The following FIP1L1 variants were observed in gnomAD, a reference collection of about 807,000 sequenced individuals.
FIP1L1 encodes the protein pre-mRNA 3'-end-processing factor FIP1.
In FIP1L1, 21 loss-of-function variants were observed where a neutral mutation model predicts 84.6. The observed-to-expected ratio is 0.25, with a 90% CI of 0.18 to 0.36. FIP1L1 has a LOEUF of 0.36. Ranked by LOEUF, FIP1L1 falls within the 10% of genes least tolerant of loss-of-function variation. The probability of loss-of-function intolerance (pLI) is 1.00; values close to 1 mark genes in which losing one functional copy is unlikely to be tolerated. For synonymous variants in FIP1L1, 263 were observed against 242.3 expected (o/e 1.09, Z -0.80); for missense variants, 526 against 751.1 (o/e 0.70, Z 3.50).
chr4:53,403,906 A>G (rs931711806), intron 10 of FIP1L1, among the ~76,000 whole-genome samples: 11 of 152,006 alleles, frequency 7.2e-5, no homozygotes, highest in Admixed American at 5.2e-4. Context: ...CCAAACAGTG[A>G]CCATGATCTT....
rs1721383190 is a variant in FIP1L1 at position 53,459,596 on chromosome 4, G to A, written c.*147G>A. On this transcript the variant is annotated 3_prime_UTR_variant, in exon 18 of 18. Coordinates refer to ENST00000337488, the MANE Select transcript of FIP1L1 (RefSeq NM_030917.4). ...TTAACTTTTTTTCCAAAATAAAAGAGTGAATTTTTCATGTTAAGTTAAAAA... is the reference window on the plus strand; with the variant it reads ...TTAACTTTTTTTCCAAAATAAAAGAATGAATTTTTCATGTTAAGTTAAAAA... The A allele has an allele frequency of 3.5e-6, 4 of 1,150,628 alleles. No individual in the cohort carries two copies. The highest frequency in any genetic ancestry group is 5.0e-6 in the Non-Finnish European group (4 of 796,084). 71.3% of individuals were successfully genotyped at this position (1,150,628 alleles called of 1,614,324 possible). A position where few individuals can be genotyped will look rare whatever the true frequency, so the allele number is the denominator to read the frequency against.
In FIP1L1 at chr4:53,428,161, T is replaced by C. The variant is rs1560552347; in HGVS notation, c.1152T>C (p.Ala384=). 9.4e-6 allele frequency: 15 copies of C among 1,591,722 alleles called. No homozygotes were observed. Among genetic ancestry groups the C allele is most frequent in the Non-Finnish European group, 1.3e-5 (15 of 1,165,506 alleles). The change falls in exon 13 of 18, where the codon GCT becomes GCC. Residue 384 remains alanine, a synonymous_variant. Coordinates refer to ENST00000337488, the MANE Select transcript of FIP1L1 (RefSeq NM_030917.4). ...CACCTCCTCCGACTGTCAGCACTGC[T>C]CCACCTCTGATTCCACCACCGGGTA... ...FLPPPPTVST[A]PPLIPPPGFP...
chr4:53,406,538 A>T (rs1475854896), intron 10 of FIP1L1, among the ~76,000 whole-genome samples: 2 of 152,174 alleles, frequency 1.3e-5, no homozygotes, highest in African/African-American at 2.4e-5. Context: ...TGAGTTAGGG[A>T]GGATTCCCTC....
intron 13 of FIP1L1, among the ~76,000 whole-genome samples, chr4:53,431,541 A>C (rs190650611): frequency 1.2e-3 from 185 of 152,320 alleles, no homozygotes; most frequent in African/African-American, 3.9e-3. Flanking sequence ...TTAAAAGTAA[A>C]GTCCAAAATA....
At chr4:53,406,227 T>C (rs1351755647) in intron 10 of FIP1L1, among the ~76,000 whole-genome samples, 1 of 152,238 alleles carries the variant, frequency 6.6e-6, no homozygotes, top group Non-Finnish European at 1.5e-5. Flanking sequence ...TGAAGGGTTG[T>C]TGAATTTTGT....
chr4:53,422,708 A>G (rs1267457145), intron 11 of FIP1L1, among the ~76,000 whole-genome samples: 7 of 151,008 alleles, frequency 4.6e-5, no homozygotes, highest in Non-Finnish European at 7.4e-5. Context: ...ATATATATAT[A>G]TGTATATATA....
At chr4:53,396,355 G>A (rs1747311514) in intron 9 of FIP1L1, among the ~76,000 whole-genome samples, 1 of 152,128 alleles carries the variant, frequency 6.6e-6, no homozygotes, top group Non-Finnish European at 1.5e-5. Context: ...GTGAGAAAAA[G>A]ATTCAAAAGC....
chr4:53,401,321 C>T (rs1376552418), intron 10 of FIP1L1, among the ~76,000 whole-genome samples: 1 of 152,126 alleles, frequency 6.6e-6, no homozygotes, highest in Non-Finnish European at 1.5e-5. Context: ...ATTATAAAGG[C>T]TTTGGCTTTT....
intron 10 of FIP1L1, among the ~76,000 whole-genome samples, chr4:53,404,328 A>G (rs986307678): frequency 4.6e-5 from 7 of 151,718 alleles, no homozygotes; most frequent in Non-Finnish European, 1.0e-4. Context: ...TGTCCCTGCA[A>G]AGGACATGAA....
rs544870243 is a variant in FIP1L1, at chr4:53,379,664, A to T, written c.170+400A>T. Among the ~76,000 whole-genome samples, 7 of 152,322 alleles carry T rather than the reference A, an allele frequency of 4.6e-5. No individual in the cohort carries two copies. The South Asian group carries it at 1.5e-3, about 32-fold the overall frequency. On this transcript the variant is annotated intron_variant, in intron 3 of 17. Coordinates refer to ENST00000337488, the MANE Select transcript of FIP1L1 (RefSeq NM_030917.4). The stretch of plus-strand genomic sequence containing the variant: ...TTCCAGTTTATTAACATTTTTGATG[A>T]TATAATGGCAGTTTGGTTGTAATTT...
At chr4:53,456,713 C>G (rs1198472319) in intron 16 of FIP1L1, among the ~76,000 whole-genome samples, 2 of 151,982 alleles carry the variant, frequency 1.3e-5, no homozygotes, top group Non-Finnish European at 2.9e-5. Context: ...ATTTCCAGGT[C>G]CAGAGAAACC....
intron 10 of FIP1L1, among the ~76,000 whole-genome samples, chr4:53,412,041 TAA>T (rs1757477252): frequency 6.6e-6 from 1 of 152,026 alleles, no homozygotes; most frequent in South Asian, 2.1e-4. Context: ...TTGAAAAAAA[TAA>T]AGTTTTATTT....
At chr4:53,406,878 T>C (rs1374794735) in intron 10 of FIP1L1, among the ~76,000 whole-genome samples, 1 of 152,172 alleles carries the variant, frequency 6.6e-6, no homozygotes, top group Non-Finnish European at 1.5e-5. Context: ...TTTTTTATTG[T>C]GTGTATTTGA....
At chr4:53,379,289 C>G (rs1299645288) in intron 3 of FIP1L1, 25 bp downstream of exon 3, 1 of 1,564,766 alleles carries the variant, frequency 6.4e-7, no homozygotes, top group Admixed American at 2.0e-5. Flanking sequence ...CTGTTGATGC[C>G]TATTACACAG....
chr4:53,437,349 AAAAAG>A lies in FIP1L1; in HGVS notation c.1175-5302_1175-5298del, dbSNP rs1412941958. ...ACCAAAAAAAAAAAAAAAAAAAAAAAAAAAGAGAGAGAAATCATCTTCTCTTTTGA... is the reference window on the plus strand; with the variant it reads ...ACCAAAAAAAAAAAAAAAAAAAAAAAAGAGAGAAATCATCTTCTCTTTTGA... On this transcript the variant is annotated intron_variant, in intron 13 of 17. Coordinates refer to ENST00000337488, the MANE Select transcript of FIP1L1 (RefSeq NM_030917.4). 9.5e-4 allele frequency among the ~76,000 whole-genome samples: 142 copies of A among 150,010 alleles called. 1 individual carries two copies. The highest frequency in any genetic ancestry group is 3.2e-3 in the African/African-American group (129 of 40,516).
chr4:53,444,611 T>G (rs1350042898), intron 15 of FIP1L1, among the ~76,000 whole-genome samples: 1 of 152,204 alleles, frequency 6.6e-6, no homozygotes, highest in Non-Finnish European at 1.5e-5. Flanking sequence ...TAATTTTTTT[T>G]TGGAGACAGA....
At chr4:53,448,803 A>T (rs1297112944) in intron 15 of FIP1L1, among the ~76,000 whole-genome samples, 1 of 152,096 alleles carries the variant, frequency 6.6e-6, no homozygotes, top group Non-Finnish European at 1.5e-5. Flanking sequence ...CCATTTGCAG[A>T]GGTGTTGTTT....
chr4:53,377,875 C>G lies in FIP1L1; in HGVS notation c.37C>G (p.Leu13Val). The stretch of plus-strand genomic sequence containing the variant: ...CGAGGTCGAGCGCCTAGTGTCGGAG[C>G]TGAGCGGCGGGACCGGAGGGGATGA... ...AGEVERLVSE[L>V]SGGTGGDEEE... The change falls in exon 1 of 18, where the codon CTG becomes GTG. Residue 13 changes from leucine (L) to valine (V), a missense_variant. Physicochemically the swap from Leu to Val is conservative, Grantham distance 32 (BLOSUM62 1). Transcript: ENST00000337488. The G allele has an allele frequency of 6.2e-7, 1 of 1,603,046 alleles. No individual in the cohort carries two copies. Among genetic ancestry groups the G allele is most frequent in the Non-Finnish European group, 8.5e-7 (1 of 1,174,958 alleles).
intron 3 of FIP1L1, among the ~76,000 whole-genome samples, chr4:53,380,174 T>C (rs1328345117): frequency 2.0e-5 from 2 of 100,046 alleles, no homozygotes; most frequent in African/African-American, 2.7e-5. Flanking sequence ...CAAAAACTTG[T>C]ACGTGAATAT....
Sources: gnomAD v4.1 joint callset for allele counts (sites outside exome capture counted in the v4.1 genomes callset) on GRCh38, gnomAD v4.1.1 for gene constraint, MANE v1.5 for transcripts, NCBI Gene and HGNC (gene_info 2026-07-23, HGNC 2026-07-21) for gene names.